Variants in SLC6A16 observed in about 807,000 individuals in gnomAD.
SLC6A16 encodes orphan sodium- and chloride-dependent neurotransmitter transporter NTT5.
Under a neutral mutation model 65.4 loss-of-function variants are expected in SLC6A16, and 54 were observed. That is an observed-to-expected ratio of 0.83 (90% CI 0.66 to 1.04). The LOEUF is 1.04. Ranked by LOEUF, SLC6A16 falls within the 50% of genes least tolerant of loss-of-function variation. The pLI, the probability that SLC6A16 is intolerant of heterozygous loss-of-function variation, is 0.00. For missense variants in SLC6A16, 816 were observed against 914.0 expected (o/e 0.89, Z 1.38); for synonymous variants, 330 against 346.5 (o/e 0.95, Z 0.53).
At chr19:49,319,610 A>G (rs995669543) in intron 1 of SLC6A16, among the ~76,000 whole-genome samples, 2 of 152,020 alleles carry the variant, frequency 1.3e-5, no homozygotes, top group Non-Finnish European at 2.9e-5. Flanking sequence ...CAGTTCTACA[A>G]TAATAACTGG....
chr19:49,339,280 G>A, the SLC6A16 span: 1 of 1,533,866 alleles, frequency 6.5e-7, no homozygotes, highest in Non-Finnish European at 9.0e-7. This position sits in a 1 kb window ranked among gnomAD's most constrained non-coding sequence, Gnocchi z 4.5. Context: ...CTGGGCCTGG[G>A]CTTGAGAGTC....
chr19:49,311,483 A>T, intron 1 of SLC6A16, 72 bp from the exon 2 acceptor site: 1 of 953,246 alleles, frequency 1.0e-6, no homozygotes, highest in Non-Finnish European at 1.5e-6. Flanking sequence ...AACAATCCTC[A>T]ACATCTCCTT....
chr19:49,296,470 TG>T (rs1970188440), intron 7 of SLC6A16, among the ~76,000 whole-genome samples: 1 of 152,106 alleles, frequency 6.6e-6, no homozygotes, highest in Non-Finnish European at 1.5e-5. Context: ...CTAATGATAC[TG>T]AGTAGAGCCC....
At chr19:49,327,636 C>T (rs1970812084), upstream of SLC6A16, among the ~76,000 whole-genome samples, 1 of 152,158 alleles carries the variant, frequency 6.6e-6, no homozygotes. Context: ...AAAGATTTTA[C>T]GTTCCAGTTG....
the SLC6A16 span, among the ~76,000 whole-genome samples, chr19:49,333,230 G>A: frequency 1.3e-5 from 2 of 150,420 alleles, no homozygotes; most frequent in Non-Finnish European, 3.0e-5. Context: ...CCCAGCACTT[G>A]GGGAGGCCGA....
At chr19:49,290,897 G>A (rs1431020630) in intron 10 of SLC6A16, 130 bp from the exon 11 acceptor site, 5 of 813,180 alleles carry the variant, frequency 6.1e-6, no homozygotes, top group Middle Eastern at 3.7e-4. Flanking sequence ...CTCAAGTCTT[G>A]TCCTCTCTCA....
chr19:49,312,861 T>A (rs1473433871), intron 1 of SLC6A16, among the ~76,000 whole-genome samples: 1 of 152,160 alleles, frequency 6.6e-6, no homozygotes, highest in Non-Finnish European at 1.5e-5. Flanking sequence ...TTTCTATCTT[T>A]AGTTCTATCT....
chr19:49,335,809 G>A, the SLC6A16 span: 1 of 1,591,408 alleles, frequency 6.3e-7, no homozygotes, highest in Non-Finnish European at 8.6e-7. This position sits in a 1 kb window ranked among gnomAD's most constrained non-coding sequence, Gnocchi z 4.6. Flanking sequence ...GGGGCAGGTG[G>A]GAGGGCCTCC....
intron 1 of SLC6A16, among the ~76,000 whole-genome samples, chr19:49,314,102 A>G (rs983793854): frequency 8.5e-6 from 1 of 117,810 alleles, no homozygotes; most frequent in African/African-American, 3.4e-5. Flanking sequence ...TCTCAAAAAA[A>G]AAAAAATCAT....
At position 49,295,741 on chromosome 19, in the gene SLC6A16, T is replaced by C. The variant is rs80255209; in HGVS notation, c.1230-1188A>G. Among the ~76,000 whole-genome samples the C allele has an allele frequency of 7.0e-3, 1,072 of 152,318 alleles. 20 individuals carry two copies. Among genetic ancestry groups the C allele is most frequent in the African/African-American group, 0.023 (972 of 41,570 alleles). On this transcript the variant is annotated intron_variant, in intron 7 of 11. Coordinates refer to ENST00000335875, the MANE Select transcript of SLC6A16 (RefSeq NM_014037.3). ...ACTGGACCTGCAGTTTCCAATTTTA[T>C]GACTTTTCAGATACAAAAGGGGGCC... is the stretch of plus-strand genomic sequence containing the variant.
At chr19:49,339,226 C>T in the SLC6A16 span, 1 of 992,896 alleles carries the variant, frequency 1.0e-6, no homozygotes, top group South Asian at 1.4e-5. This position sits in a 1 kb window ranked among gnomAD's most constrained non-coding sequence, Gnocchi z 4.5. Flanking sequence ...ACTAGGGGAG[C>T]GGGTAGATGC....
At chr19:49,331,646 A>G in the SLC6A16 span, 2 of 414,254 alleles carry the variant, frequency 4.8e-6, no homozygotes, top group Non-Finnish European at 9.8e-6. Context: ...ATGTAAGTCC[A>G]AGGATAATTC....
chr19:49,292,299 G>A lies in SLC6A16; in HGVS notation c.1778+924C>T, dbSNP rs529279289. On this transcript the variant is annotated intron_variant, in intron 10 of 11. Coordinates refer to ENST00000335875, the MANE Select transcript of SLC6A16 (RefSeq NM_014037.3). The surrounding 1 kb of genome is among the most constrained non-coding windows in gnomAD (Gnocchi z 4.3). Reference sequence around the variant, plus strand: ...GGAGAATTGCTTGAACCCGGGAGGCGGAGGTTGCAGTGAGCTGAGATCGCA... The same window carrying A: ...GGAGAATTGCTTGAACCCGGGAGGCAGAGGTTGCAGTGAGCTGAGATCGCA... Among the ~76,000 whole-genome samples, 4 of 152,032 alleles carry A rather than the reference G, an allele frequency of 2.6e-5. No individual in the cohort carries two copies. The highest frequency in any genetic ancestry group is 4.8e-5 in the African/African-American group (2 of 41,362).
In SLC6A16 at chr19:49,308,946, C is replaced by A; in HGVS notation, c.1159G>T (p.Val387Phe). Residue 387 changes from valine to phenylalanine, a missense_variant, in exon 7 of 12, where the codon GTT becomes TTT. By Grantham distance (50) the Val-to-Phe change is conservative. Transcript: ENST00000335875. ...ACACAGAAGTTGAAAGATGTGAAAA[C>A]CAACAAAGTGAGCAGGTTTATCACA... ...VSVINLLTLL[V>F]FTSFNFCVLG... 1.2e-6 allele frequency: 2 copies of A among 1,614,124 alleles called. No individual in the cohort carries two copies. The highest frequency in any genetic ancestry group is 8.5e-7 in the Non-Finnish European group (1 of 1,180,030).
intron 1 of SLC6A16, among the ~76,000 whole-genome samples, chr19:49,317,723 G>A (rs143836288): frequency 0.013 from 1,949 of 151,282 alleles, 35 homozygotes; most frequent in Middle Eastern, 0.069. Flanking sequence ...GGAGAATGGC[G>A]TGAACCCAGG....
the SLC6A16 span, chr19:49,339,321 A>AC: frequency 5.0e-6 from 8 of 1,611,794 alleles, no homozygotes; most frequent in Admixed American, 1.3e-4. This position sits in a 1 kb window ranked among gnomAD's most constrained non-coding sequence, Gnocchi z 4.5. Context: ...TTTTCCCTAC[A>AC]CCCCCCAGGG....
chr19:49,328,093 C>T (rs1970816157), upstream of SLC6A16, among the ~76,000 whole-genome samples: 1 of 152,112 alleles, frequency 6.6e-6, no homozygotes, highest in African/African-American at 2.4e-5. Context: ...GGCTTCTGGG[C>T]AGAGAATAGC....
chr19:49,332,085 G>A, the SLC6A16 span: 1 of 455,740 alleles, frequency 2.2e-6, no homozygotes. Flanking sequence ...CCAAAATCAA[G>A]GTGTCACCAG....
chr19:49,336,228 C>G, the SLC6A16 span: 3 of 178,086 alleles, frequency 1.7e-5, no homozygotes, highest in African/African-American at 7.2e-5. Flanking sequence ...GTGTTGAGGA[C>G]TGGGTTGAAC....
Sources: gnomAD v4.1 joint callset for allele counts (sites outside exome capture counted in the v4.1 genomes callset) on GRCh38, gnomAD v4.1.1 for gene constraint, Gnocchi (gnomAD v3.1) non-coding constraint, MANE v1.5 for transcripts, NCBI Gene and HGNC (gene_info 2026-07-23, HGNC 2026-07-21) for gene names.